TPM1: variants seen among roughly 807,000 people sequenced by gnomAD.
TPM1 encodes tropomyosin alpha-1 chain.
Under a neutral mutation model 42.9 loss-of-function variants are expected in TPM1, and 24 were observed. The observed-to-expected ratio is 0.56, with a 90% confidence interval of 0.41 to 0.79. The LOEUF (loss-of-function observed/expected upper bound fraction) is 0.79. TPM1 is among the 30% of genes least tolerant of loss of function. The probability of loss-of-function intolerance (pLI) is 0.00; values close to 1 mark genes in which losing one functional copy is unlikely to be tolerated. For missense variants in TPM1, 158 were observed against 351.8 expected (o/e 0.45, Z 4.41); for synonymous variants, 136 against 130.1 (o/e 1.05, Z -0.31).
chr15:63,043,725 C>G (rs1332959202), intron 1 of TPM1: 6 of 1,548,064 alleles, frequency 3.9e-6, no homozygotes, highest in Non-Finnish European at 3.5e-6. Flanking sequence ...GACATCGCGG[C>G]CAAGGAGAAG....
At chr15:63,061,079 G>T in intron 5 of TPM1, 140 bp downstream of exon 5, 1 of 1,458,988 alleles carries the variant, frequency 6.9e-7, no homozygotes, top group Non-Finnish European at 9.6e-7. Flanking sequence ...TGAGCCACGA[G>T]TATGGAACAT....
chr15:63,070,691 A>C (rs1159183786), downstream of TPM1: 1 of 1,013,774 alleles, frequency 9.9e-7, no homozygotes, highest in Non-Finnish European at 1.2e-6. Context: ...CAACTCCCAG[A>C]CTTTTAACTG....
chr15:63,048,340 G>A, intron 2 of TPM1: 1 of 1,129,236 alleles, frequency 8.9e-7, no homozygotes, highest in Non-Finnish European at 1.2e-6. Flanking sequence ...CCAGTCCCGG[G>A]ATCCACGGCG....
Position 63,043,994 on chromosome 15 carries a change from C to T in TPM1, c.115-33C>T, listed in dbSNP as rs773013037. 7 of 1,607,836 alleles carry T rather than the reference C, an allele frequency of 4.4e-6. No homozygotes were observed. The African/African-American group carries it at 8.0e-5, about 18-fold the overall frequency. ...GGGATCACGCTGCCTGCTGCACCCC[C>T]CTCCCTCCCTGTACCCCCTGGCCAA... On this transcript the variant is annotated intron_variant, in intron 1 of 9. Coordinates refer to ENST00000403994, the MANE Select transcript of TPM1 (RefSeq NM_001018005.2).
intron 3 of TPM1, among the ~76,000 whole-genome samples, chr15:63,057,460 G>A (rs2034986271): frequency 6.6e-6 from 1 of 152,176 alleles, no homozygotes; most frequent in Admixed American, 6.5e-5. Context: ...CAGAGCAATT[G>A]TGCATTTTTT....
At chr15:63,063,944 C>G in intron 8 of TPM1, 120 bp from the exon 9 acceptor site, 1 of 1,447,214 alleles carries the variant, frequency 6.9e-7, no homozygotes. Context: ...CCAACCCCTT[C>G]ATGCATTGCC....
intron 2 of TPM1, among the ~76,000 whole-genome samples, chr15:63,053,681 TTTTTTTTTTTTG>T: frequency 1.3e-5 from 1 of 79,176 alleles, no homozygotes; most frequent in African/African-American, 4.7e-5. Flanking sequence ...TGATTTTTTT[TTTTTTTTTTTTG>T]TTTTTGAGAC....
At position 63,053,242 on chromosome 15, in the gene TPM1, G is replaced by A. The variant is rs150465754; in HGVS notation, c.241-3743G>A. On this transcript the variant is annotated intron_variant, in intron 2 of 9. Transcript: ENST00000403994. ...ATCACTTTAGCAGATGATTTGCATTGCAGCAACTGTTCTCCCAGTCCTGGT... is the reference window on the plus strand; with the variant it reads ...ATCACTTTAGCAGATGATTTGCATTACAGCAACTGTTCTCCCAGTCCTGGT... Among the ~76,000 whole-genome samples, 6 of 152,268 alleles carry A rather than the reference G, an allele frequency of 3.9e-5. No homozygotes were observed. In the East Asian group the frequency reaches 1.2e-3, roughly 29 times the overall value.
intron 2 of TPM1, among the ~76,000 whole-genome samples, chr15:63,052,103 C>T (rs1418221247): frequency 7.2e-6 from 1 of 138,738 alleles, no homozygotes; most frequent in African/African-American, 2.7e-5. Context: ...GTAGCCTTTA[C>T]TAATACAGCA....
At chr15:63,042,977 G>A in intron 1 of TPM1, 34 bp downstream of exon 1, 1 of 1,552,532 alleles carries the variant, frequency 6.4e-7, no homozygotes, top group South Asian at 1.2e-5. Context: ...CCCGCGCCCA[G>A]AGCGCCGGGA....
chr15:63,061,113 A>C lies in TPM1; in HGVS notation c.563+174A>C, dbSNP rs528730204. On this transcript the variant is annotated intron_variant, in intron 5 of 9. Coordinates refer to ENST00000403994, the MANE Select transcript of TPM1 (RefSeq NM_001018005.2). Reference sequence around the variant, plus strand: ...ATGGAGGACTCGTGTGGGGTGTCTTATGTATGAATGCGTGTATCACTGCAT... The same window carrying C: ...ATGGAGGACTCGTGTGGGGTGTCTTCTGTATGAATGCGTGTATCACTGCAT... 190 of 1,487,950 alleles carry C rather than the reference A, an allele frequency of 1.3e-4. 2 individuals are homozygous for C. The South Asian group carries it at 2.0e-3, about 16-fold the overall frequency. 92.2% of individuals were successfully genotyped at this position (1,487,950 alleles called of 1,614,324 possible).
downstream of TPM1, among the ~76,000 whole-genome samples, chr15:63,067,202 T>G (rs1339230899): frequency 1.3e-5 from 2 of 152,214 alleles, no homozygotes; most frequent in African/African-American, 4.8e-5. Flanking sequence ...TTGGACAAAC[T>G]CAGAAGATAG....
chr15:63,044,282 GC>G, intron 2 of TPM1, 130 bp downstream of exon 2: 1 of 1,392,606 alleles, frequency 7.2e-7, no homozygotes, highest in Non-Finnish European at 1.0e-6. Flanking sequence ...CCCTGCCATG[GC>G]CCAGAGCATT....
chr15:63,050,896 A>G (rs1055236862), intron 2 of TPM1, among the ~76,000 whole-genome samples: 3 of 152,254 alleles, frequency 2.0e-5, no homozygotes, highest in African/African-American at 7.2e-5. Flanking sequence ...AGCCACTGCA[A>G]AAAATATTTG....
exon 9 of TPM1, chr15:63,071,750 C>A: frequency 6.2e-6 from 1 of 161,760 alleles, no homozygotes. Flanking sequence ...TCATGACAAT[C>A]TGTAGGATAA....
At chr15:63,060,754 T>C (rs1010832368) in intron 4 of TPM1, 115 bp from the exon 5 acceptor site, 1 of 1,128,120 alleles carries the variant, frequency 8.9e-7, no homozygotes, top group Non-Finnish European at 1.3e-6. Flanking sequence ...GAGGATCATA[T>C]TGTTTGTAGA....
At chr15:63,064,442 C>T in intron 9 of TPM1, 1 of 1,201,854 alleles carries the variant, frequency 8.3e-7, no homozygotes, top group Non-Finnish European at 1.0e-6. Context: ...TTAAGCTAAA[C>T]TCAAGTAAAA....
chr15:63,048,046 T>G lies in TPM1; in HGVS notation c.240+3894T>G, dbSNP rs903197998. 7.1e-5 allele frequency: 24 copies of G among 339,520 alleles called. No homozygotes were observed. The Admixed American group carries it at 9.5e-4, about 13-fold the overall frequency. The allele number at this position is 339,520 out of a possible 1,614,324, so 21.0% of individuals were successfully genotyped here. ...ATCTTGCGGTTGGGATCAGGCCCTT[T>G]AGGGCATATTCCGGCTCCAGACCCG... On this transcript the variant is annotated intron_variant, in intron 2 of 9. Transcript: ENST00000403994.
intron 6 of TPM1, 21 bp from the exon 7 acceptor site, chr15:63,062,188 CATCTGG>C: frequency 6.2e-7 from 1 of 1,607,210 alleles, no homozygotes; most frequent in South Asian, 1.1e-5. Flanking sequence ...TGCAGCCTGA[CATCTGG>C]AATGCTCTTT....
Sources: allele counts gnomAD v4.1 joint callset (sites outside exome capture counted in the v4.1 genomes callset), GRCh38; gene constraint gnomAD v4.1.1; transcripts MANE v1.5; gene names NCBI Gene and HGNC (gene_info 2026-07-23, HGNC 2026-07-21).